RBMX: variants seen among roughly 807,000 people sequenced by gnomAD.
The protein encoded by RBMX is RNA-binding motif protein, X chromosome.
A neutral mutation model predicts 29.3 loss-of-function variants in RBMX; 1 was observed. The observed-to-expected ratio is 0.03, with a 90% confidence interval of 0.01 to 0.16. RBMX has a LOEUF of 0.16. RBMX is among the 10% of genes least tolerant of loss of function. RBMX has a pLI of 1.00. For missense variants in RBMX, 121 were observed against 333.2 expected, an observed-to-expected ratio of 0.36 and a Z score of 4.96; for synonymous variants, 102 against 102.3, an observed-to-expected ratio of 1.00 and a Z score of 0.02.
At chrX:136,871,489 T>A (rs1333115846), downstream of RBMX, among the ~76,000 whole-genome samples, 2 of 109,384 alleles carry the variant, frequency 1.8e-5, no homozygotes, top group Non-Finnish European at 3.8e-5. Flanking sequence ...TACTATGTCG[T>A]CATTATGTCA....
chrX:136,869,201 A>T (rs752591139), downstream of RBMX: 1 of 112,830 alleles, frequency 8.9e-6, no homozygotes, highest in East Asian at 2.8e-4. Flanking sequence ...ATGCCATGTT[A>T]AAGTTTTATT....
chrX:136,869,947 C>T (rs1018865748), downstream of RBMX: 2 of 112,186 alleles, frequency 1.8e-5, no homozygotes, highest in African/African-American at 6.5e-5. Flanking sequence ...TGGTTACTTT[C>T]CAGATGTCAC....
downstream of RBMX, chrX:136,870,013 G>A (rs952272036): frequency 5.3e-5 from 6 of 112,152 alleles, no homozygotes; most frequent in Non-Finnish European, 1.1e-4. Context: ...ACCAAAAAAT[G>A]TTTCACTTAC....
At chrX:136,878,471 C>T (rs2077758552) in intron 3 of RBMX, among the ~76,000 whole-genome samples, 2 of 110,291 alleles carry the variant, frequency 1.8e-5, no homozygotes, top group South Asian at 3.8e-4. Context: ...CGCAGTGGCT[C>T]GCAGTGTCTC....
Position 136,874,313 on chromosome X carries a change from G to A in RBMX, c.1005C>T (p.Tyr335=), listed in dbSNP as rs3196876. 14 of 1,212,318 alleles carry A rather than the reference G, an allele frequency of 1.2e-5. No homozygotes were observed. Among genetic ancestry groups the A allele is most frequent in the South Asian group, 1.8e-5 (1 of 57,046 alleles). The part of the protein sequence containing the change: ...DSYSSSRSDL[Y]SSGRDRVGRQ... ...TGCCAACCCGATCACGACCACTTGA[G>A]TAGAGATCACTTCGGCTGCTTGAGT... The change falls in exon 9 of 9, where the codon TAC becomes TAT. Residue 335 remains tyrosine, a synonymous_variant. Coordinates refer to ENST00000320676, the MANE Select transcript of RBMX (RefSeq NM_002139.4).
At chrX:136,869,598 T>C (rs1243789653), downstream of RBMX, 1 of 111,699 alleles carries the variant, frequency 9.0e-6, no homozygotes, top group Non-Finnish European at 1.9e-5. Context: ...AAAAACCACA[T>C]AAATTTGGTC....
downstream of RBMX, chrX:136,872,274 A>T (rs2077689951): frequency 2.6e-6 from 3 of 1,159,098 alleles, no homozygotes; most frequent in Non-Finnish European, 3.5e-6. Flanking sequence ...TTACCTTAGC[A>T]TTTCTTACTG....
downstream of RBMX, chrX:136,872,590 C>T: frequency 8.3e-6 from 3 of 362,639 alleles, no homozygotes; most frequent in Admixed American, 4.8e-5. Context: ...TGCACTGCCA[C>T]GTTAAATCCA....
At chrX:136,872,128 CA>C, downstream of RBMX, 1 of 475,400 alleles carries the variant, frequency 2.1e-6, no homozygotes, top group Non-Finnish European at 3.6e-6. Context: ...CACATTAAAG[CA>C]CTTAACTTCA....
downstream of RBMX, chrX:136,872,560 T>C (rs992836848): frequency 7.3e-6 from 3 of 411,649 alleles, no homozygotes; most frequent in Non-Finnish European, 1.3e-5. Flanking sequence ...GGCTTATGGA[T>C]TGTCATTCTG....
intron 1 of RBMX, 46 bp from the exon 2 acceptor site, chrX:136,879,499 G>A (rs758129223): frequency 1.8e-5 from 18 of 998,380 alleles, no homozygotes; most frequent in Non-Finnish European, 2.3e-5. Context: ...AGTTCCTCAA[G>A]TTTATTGGAC....
chrX:136,876,376 C>T, intron 5 of RBMX, 127 bp downstream of exon 5: 1 of 719,676 alleles, frequency 1.4e-6, no homozygotes, highest in Non-Finnish European at 1.9e-6. Context: ...TCTGCCGCGG[C>T]CTCCCAAAGT....
chrX:136,880,707 A>G lies in RBMX; in HGVS notation c.-137T>C, dbSNP rs2077791729. 8.1e-6 allele frequency: 1 copy of G among 123,929 alleles called. No individual in the cohort carries two copies. The highest frequency in any genetic ancestry group is 1.8e-5 in the Non-Finnish European group (1 of 55,307). The allele number at this position is 123,929 out of a possible 1,213,427, so 10.2% of individuals were successfully genotyped here. Reference sequence around the variant, plus strand: ...GCGAGGACCGAACCGCGAAGCCGCTAGCACTACTGCGCAACGAGGGCGAAC... The same window carrying G: ...GCGAGGACCGAACCGCGAAGCCGCTGGCACTACTGCGCAACGAGGGCGAAC... On this transcript the variant is annotated 5_prime_UTR_variant, in exon 1 of 9. Transcript: ENST00000320676.
chrX:136,873,549 TC>T lies in RBMX; in HGVS notation c.*592del, dbSNP rs1400289410. 4 of 748,155 alleles carry T rather than the reference TC, an allele frequency of 5.3e-6. No individual in the cohort carries two copies. The highest frequency in any genetic ancestry group is 6.3e-6 in the Non-Finnish European group (4 of 634,339). 61.7% of individuals were successfully genotyped at this position (748,155 alleles called of 1,213,427 possible). A position where few individuals can be genotyped will look rare whatever the true frequency, so the allele number is the denominator to read the frequency against. ...TATTGGGGGAAGGGAAAGGGGAGGTTCTTGCAGATTCCCAAGGAAATGTCAG... is the reference window on the plus strand; with the variant it reads ...TATTGGGGGAAGGGAAAGGGGAGGTTTTGCAGATTCCCAAGGAAATGTCAG... On this transcript the variant is annotated 3_prime_UTR_variant, in exon 9 of 9. Transcript: ENST00000320676.
At position 136,875,116 on chromosome X, in the gene RBMX, C is replaced by T. The variant is rs2077713278; in HGVS notation, c.835G>A (p.Gly279Ser). ...CTCTCATATGAATCTCTGTAGGAAC[C>T]TCCACTTGGATGATCTGAATAGTCA... is the stretch of plus-strand genomic sequence containing the variant. Reference protein sequence around the residue: ...DRDYSDHPSGGSYRDSYESYG... With the variant: ...DRDYSDHPSGSSYRDSYESYG... The change falls in exon 8 of 9, where the codon GGT (glycine) becomes AGT (serine). Residue 279 changes from glycine (G) to serine (S), a missense_variant. Physicochemically the swap from Gly to Ser is moderately conservative, Grantham distance 56. Around this residue, in one of 2 missense-constraint regions of RBMX, gnomAD observed 114 missense variants for 260.0 expected, o/e 0.44. Transcript: ENST00000320676. The T allele has an allele frequency of 8.3e-7, 1 of 1,210,241 alleles. No homozygotes were observed. The highest frequency in any genetic ancestry group is 2.2e-5 in the Admixed American group (1 of 45,729).
In RBMX at chrX:136,876,485, C is replaced by G. The variant is rs758669073; in HGVS notation, c.541+18G>C. On this transcript the variant is annotated intron_variant, in intron 5 of 8. Coordinates refer to ENST00000320676, the MANE Select transcript of RBMX (RefSeq NM_002139.4). ...GTGTTACGGTAGTAGCATAAATCATCATACATGGAACATTTACCTCTTCCT... is the reference window on the plus strand; with the variant it reads ...GTGTTACGGTAGTAGCATAAATCATGATACATGGAACATTTACCTCTTCCT... The G allele has an allele frequency of 2.4e-5, 28 of 1,156,816 alleles. No individual in the cohort carries two copies. The South Asian group carries it at 4.7e-4, about 19-fold the overall frequency.
chrX:136,877,328 A>AACCC (rs1556343940), intron 4 of RBMX, among the ~76,000 whole-genome samples: 7 of 25,330 alleles, frequency 2.8e-4, no homozygotes, highest in East Asian at 2.0e-3. Context: ...GCTAAACTCT[A>AACCC]CCCCCCCCCC....
intron 4 of RBMX, 54 bp downstream of exon 4, chrX:136,877,861 G>A: frequency 9.3e-7 from 1 of 1,074,692 alleles, no homozygotes; most frequent in Non-Finnish European, 1.2e-6. Context: ...CACTTGGTGT[G>A]AGCTTGCAGT....
rs2077791517 is a variant in RBMX, at chrX:136,880,701, G to A, written c.-131C>T. 8.1e-6 allele frequency: 1 copy of A among 124,074 alleles called. No homozygotes were observed. Among genetic ancestry groups the A allele is most frequent in the African/African-American group, 3.2e-5 (1 of 31,431 alleles). 10.2% of individuals were successfully genotyped at this position (124,074 alleles called of 1,213,427 possible). A position where few individuals can be genotyped will look rare whatever the true frequency, so the allele number is the denominator to read the frequency against. ...CCGGGTGCGAGGACCGAACCGCGAA[G>A]CCGCTAGCACTACTGCGCAACGAGG... On this transcript the variant is annotated 5_prime_UTR_variant, in exon 1 of 9. Transcript: ENST00000320676.
Sources: allele counts gnomAD v4.1 joint callset (sites outside exome capture counted in the v4.1 genomes callset), GRCh38; gene constraint gnomAD v4.1.1; regional missense constraint gnomAD v4.1.1; transcripts MANE v1.5; gene names NCBI Gene and HGNC (gene_info 2026-07-23, HGNC 2026-07-21).